Variants in EMCN observed in about 807,000 individuals in gnomAD.
The protein encoded by EMCN is endomucin.
A neutral mutation model predicts 38.4 loss-of-function variants in EMCN; 37 were observed. The ratio of observed to expected loss-of-function variants is 0.96; its 90% CI spans 0.74 to 1.27. The LOEUF (loss-of-function observed/expected upper bound fraction) is 1.27. Ranked by LOEUF, EMCN falls within the 50% of genes most tolerant of loss-of-function variation. EMCN has a pLI of 0.00. For synonymous variants in EMCN, 95 were observed against 100.8 expected, an observed-to-expected ratio of 0.94 and a Z score of 0.35; for missense variants, 318 against 302.8, an observed-to-expected ratio of 1.05 and a Z score of -0.37.
At chr4:100,514,808 G>A (rs539880011) in intron 1 of EMCN, among the ~76,000 whole-genome samples, 15 of 151,910 alleles carry the variant, frequency 9.9e-5, no homozygotes, top group Admixed American at 3.3e-4. Flanking sequence ...ATATGTAGCC[G>A]TTTCAGATGT....
chr4:100,493,123 G>C (rs534718643), intron 1 of EMCN, among the ~76,000 whole-genome samples: 2 of 151,950 alleles, frequency 1.3e-5, no homozygotes, highest in Non-Finnish European at 2.9e-5. Flanking sequence ...TAATACTGTC[G>C]CTATACAGTC....
intron 5 of EMCN, among the ~76,000 whole-genome samples, chr4:100,435,817 C>A (rs1578192941): frequency 1.3e-5 from 2 of 152,158 alleles, no homozygotes; most frequent in Non-Finnish European, 2.9e-5. Flanking sequence ...GGAGAGCTGG[C>A]TAGCCATATG....
chr4:100,483,983 T>C (rs1728878067), intron 1 of EMCN, among the ~76,000 whole-genome samples: 1 of 152,148 alleles, frequency 6.6e-6, no homozygotes, highest in African/African-American at 2.4e-5. Context: ...ATAGCGCTGC[T>C]CTTGGGATGT....
intron 1 of EMCN, among the ~76,000 whole-genome samples, chr4:100,481,962 C>T (rs1728821115): frequency 6.6e-6 from 1 of 151,300 alleles, no homozygotes; most frequent in Non-Finnish European, 1.5e-5. Context: ...TTCCTTCTCT[C>T]GTTTTCTCCC....
At chr4:100,468,239 C>A (rs1728377903) in intron 3 of EMCN, among the ~76,000 whole-genome samples, 1 of 152,154 alleles carries the variant, frequency 6.6e-6, no homozygotes, top group Admixed American at 6.5e-5. Flanking sequence ...GTGAAAACCA[C>A]TGCATAGGGC....
chr4:100,489,147 A>T lies in EMCN; in HGVS notation c.65-9108T>A, dbSNP rs1024531576. On this transcript the variant is annotated intron_variant, in intron 1 of 11. Transcript: ENST00000296420. ...TTAGAGCCTTGTTCAAATTCAGGTG[A>T]TCTAGTCTCAGCTTCCATGTTCTCT... Among the ~76,000 whole-genome samples, 4 of 151,948 alleles carry T rather than the reference A, an allele frequency of 2.6e-5. No individual in the cohort carries two copies. In the East Asian group the frequency reaches 5.8e-4, roughly 22 times the overall value.
chr4:100,447,367 G>C (rs1727701591), intron 5 of EMCN, among the ~76,000 whole-genome samples, 166 bp downstream of exon 5: 1 of 151,958 alleles, frequency 6.6e-6, no homozygotes, highest in African/African-American at 2.4e-5. Context: ...TGTTCTCCTG[G>C]TCTGCATTTT....
At chr4:100,504,718 C>G (rs1389197420) in intron 1 of EMCN, among the ~76,000 whole-genome samples, 1 of 152,178 alleles carries the variant, frequency 6.6e-6, no homozygotes, top group East Asian at 1.9e-4. Flanking sequence ...GCCAAGCGGA[C>G]CACGGTCTAG....
At chr4:100,410,422 C>G (rs2110209532) in intron 10 of EMCN, 67 bp from the exon 11 acceptor site, 1 of 1,469,696 alleles carries the variant, frequency 6.8e-7, no homozygotes, top group East Asian at 2.3e-5. Context: ...ATAAAGTTTC[C>G]TAGCTTTTTT....
At chr4:100,510,050 G>T (rs1000101714) in intron 1 of EMCN, among the ~76,000 whole-genome samples, 17 of 152,130 alleles carry the variant, frequency 1.1e-4, no homozygotes, top group South Asian at 4.1e-4. Context: ...TAATGTCTGG[G>T]CCAATTTGAA....
chr4:100,510,299 T>C (rs929513937), intron 1 of EMCN, among the ~76,000 whole-genome samples: 3 of 152,210 alleles, frequency 2.0e-5, no homozygotes, highest in Non-Finnish European at 2.9e-5. Flanking sequence ...ATCTGAAAGA[T>C]ATTTGAGAAA....
rs6853394 is a variant in EMCN, at chr4:100,440,086, A to G, written c.415+7447T>C. Among the ~76,000 whole-genome samples the G allele has an allele frequency of 9.9e-3, 1,507 of 152,206 alleles. 25 individuals carry two copies. Among genetic ancestry groups the G allele is most frequent in the African/African-American group, 0.034 (1,426 of 41,548 alleles). On this transcript the variant is annotated intron_variant, in intron 5 of 11. Transcript: ENST00000296420. The stretch of plus-strand genomic sequence containing the variant: ...AATGTTCCATGTGAACTAAAGAAAA[A>G]TGTGGCATATTATCCTGCTGTTAAA...
At chr4:100,479,765 C>G (rs1464094946) in intron 2 of EMCN, 152 bp downstream of exon 2, 20 of 630,046 alleles carry the variant, frequency 3.2e-5, no homozygotes, top group Middle Eastern at 9.0e-4. Flanking sequence ...TATGGAACCC[C>G]AAATAACACA....
chr4:100,434,689 G>A lies in EMCN; in HGVS notation c.416-11285C>T, dbSNP rs185411975. On this transcript the variant is annotated intron_variant, in intron 5 of 11. Coordinates refer to ENST00000296420, the MANE Select transcript of EMCN (RefSeq NM_016242.4). ...AAGCTTATCCACCATGATCAAGTTG[G>A]CTTCATCACCAGGATGCAAGGTTGG... Among the ~76,000 whole-genome samples, 250 of 152,246 alleles carry A rather than the reference G, an allele frequency of 1.6e-3. 1 individual carries two copies. The highest frequency in any genetic ancestry group is 5.8e-3 in the African/African-American group (242 of 41,524).
chr4:100,495,037 A>G (rs1036956297), intron 1 of EMCN, among the ~76,000 whole-genome samples: 2 of 152,024 alleles, frequency 1.3e-5, no homozygotes, highest in South Asian at 4.1e-4. Context: ...CCAAAGAAAT[A>G]TGAGATTTGA....
At chr4:100,452,423 G>A (rs1260291750) in intron 4 of EMCN, among the ~76,000 whole-genome samples, 1 of 151,854 alleles carries the variant, frequency 6.6e-6, no homozygotes, top group African/African-American at 2.4e-5. Flanking sequence ...CTCTCACTTG[G>A]CAAAACCCTT....
chr4:100,402,988 GACA>G (rs770387837), intron 11 of EMCN, among the ~76,000 whole-genome samples: 73 of 152,212 alleles, frequency 4.8e-4, no homozygotes, highest in Admixed American at 2.1e-3. Flanking sequence ...GCTAGGGCTG[GACA>G]ACGTCTCTCA....
chr4:100,404,452 T>C (rs1726341174), intron 11 of EMCN, among the ~76,000 whole-genome samples: 1 of 152,164 alleles, frequency 6.6e-6, no homozygotes, highest in Non-Finnish European at 1.5e-5. Context: ...TACTAGTTAC[T>C]GTAGAGTTGT....
rs376067072 is a variant in EMCN at position 100,441,451 on chromosome 4, C to T, written c.415+6082G>A. On this transcript the variant is annotated intron_variant, in intron 5 of 11. Coordinates refer to ENST00000296420, the MANE Select transcript of EMCN (RefSeq NM_016242.4). ...CATATAGTTGGATCTTGTTTTTATT[C>T]ATTCAACCATTCTATGTCTTTTAAC... Among the ~76,000 whole-genome samples, 7 of 152,268 alleles carry T rather than the reference C, an allele frequency of 4.6e-5. No homozygotes were observed. The East Asian group carries it at 1.4e-3, about 29-fold the overall frequency.
Sources: allele counts gnomAD v4.1 joint callset (sites outside exome capture counted in the v4.1 genomes callset), GRCh38; gene constraint gnomAD v4.1.1; transcripts MANE v1.5; gene names NCBI Gene and HGNC (gene_info 2026-07-23, HGNC 2026-07-21).